TOX: variants seen among roughly 807,000 people sequenced by gnomAD.
The protein encoded by TOX is thymocyte selection associated high mobility group box.
TOX carries 11 observed loss-of-function variants against 53.7 expected under a neutral mutation model. That is an observed-to-expected ratio of 0.20 (90% CI 0.13 to 0.34). The LOEUF is 0.34. Among genes scored for constraint, TOX ranks in the 10% least tolerant of loss-of-function variants. The pLI is 1.00. For missense variants in TOX, 570 were observed against 664.6 expected (o/e 0.86, Z 1.56); for synonymous variants, 225 against 245.3 (o/e 0.92, Z 0.77).
intron 1 of TOX, among the ~76,000 whole-genome samples, chr8:58,988,920 A>C (rs1177069834): frequency 6.6e-6 from 1 of 152,208 alleles, no homozygotes; most frequent in African/African-American, 2.4e-5. Context: ...GACAACAAGG[A>C]AGTCATTTAT....
At chr8:58,930,285 T>C (rs1366591080) in intron 3 of TOX, among the ~76,000 whole-genome samples, 2 of 152,186 alleles carry the variant, frequency 1.3e-5, no homozygotes, top group African/African-American at 2.4e-5. Flanking sequence ...AACAAATAGA[T>C]TCATTCAATC....
intron 6 of TOX, among the ~76,000 whole-genome samples, chr8:58,816,915 A>G (rs1810189558): frequency 6.6e-6 from 1 of 152,174 alleles, no homozygotes; most frequent in Non-Finnish European, 1.5e-5. Flanking sequence ...GGCAGCTTAC[A>G]TTACGGTTAG....
intron 4 of TOX, among the ~76,000 whole-genome samples, chr8:58,849,686 G>C (rs1810777027): frequency 6.6e-6 from 1 of 152,188 alleles, no homozygotes; most frequent in Non-Finnish European, 1.5e-5. Flanking sequence ...GTCAGAGGAT[G>C]CTACTAATTT....
intron 1 of TOX, among the ~76,000 whole-genome samples, chr8:59,104,968 C>G (rs1044111479): frequency 1.3e-5 from 2 of 152,172 alleles, no homozygotes; most frequent in Admixed American, 6.5e-5. Context: ...GGAGGGTTCA[C>G]GACTTATTCA....
chr8:58,878,333 T>C (rs963763281), intron 3 of TOX, among the ~76,000 whole-genome samples: 1 of 152,220 alleles, frequency 6.6e-6, no homozygotes, highest in Non-Finnish European at 1.5e-5. Context: ...TATGCTTCTA[T>C]AGCATACTTT....
At chr8:58,949,845 TTA>T (rs1442714074) in intron 2 of TOX, among the ~76,000 whole-genome samples, 2 of 150,692 alleles carry the variant, frequency 1.3e-5, no homozygotes, top group African/African-American at 2.4e-5. Flanking sequence ...ATATATATTT[TTA>T]TATGTGTATA....
chr8:58,809,093 A>G lies in TOX; in HGVS notation c.1393-824T>C, dbSNP rs73684665. Among the ~76,000 whole-genome samples, 1,458 of 152,318 alleles carry G rather than the reference A, an allele frequency of 9.6e-3. 24 individuals are homozygous for G. The highest frequency in any genetic ancestry group is 0.033 in the African/African-American group (1,369 of 41,558). On this transcript the variant is annotated intron_variant, in intron 7 of 8. Coordinates refer to ENST00000361421, the MANE Select transcript of TOX (RefSeq NM_014729.3). The stretch of plus-strand genomic sequence containing the variant: ...ATATCTGGTAAACAAAAAGCATTCT[A>G]TACTAAGATTTATTTTTAGCTTCTC...
At chr8:59,101,921 C>G (rs975704100) in intron 1 of TOX, among the ~76,000 whole-genome samples, 4 of 152,246 alleles carry the variant, frequency 2.6e-5, no homozygotes, top group African/African-American at 9.6e-5. Flanking sequence ...CTGGGTGTCC[C>G]CTAACAATAA....
In TOX at chr8:58,807,401, C is replaced by A; in HGVS notation, c.*346G>T. The A allele has an allele frequency of 4.2e-6, 1 of 236,036 alleles. No homozygotes were observed. The highest frequency in any genetic ancestry group is 8.4e-6 in the Non-Finnish European group (1 of 118,842). The allele number at this position is 236,036 out of a possible 1,614,324, so 14.6% of individuals were successfully genotyped here. ...GTCTTTAGTAGTTTCATATAAACAC[C>A]CATTATGAAAACCAATGGAAAATCC... On this transcript the variant is annotated 3_prime_UTR_variant, in exon 9 of 9. Coordinates refer to ENST00000361421, the MANE Select transcript of TOX (RefSeq NM_014729.3).
chr8:58,994,391 A>AGTGTGTGTGT lies in TOX; in HGVS notation c.103-34393_103-34384dup, dbSNP rs34690974. Among the ~76,000 whole-genome samples the AGTGTGTGTGT allele has an allele frequency of 5.3e-3, 785 of 147,062 alleles. 4 individuals are homozygous for AGTGTGTGTGT. The highest frequency in any genetic ancestry group is 0.016 in the African/African-American group (646 of 39,850). Reference sequence around the variant, plus strand: ...TTAGTTTATAGCTTTCAAAATGCCAAGTGTGTGTGTGTGTGTGTGTGTGTG... The same window carrying AGTGTGTGTGT: ...TTAGTTTATAGCTTTCAAAATGCCAAGTGTGTGTGTGTGTGTGTGTGTGTGTGTGTGTGTG... On this transcript the variant is annotated intron_variant, in intron 1 of 8. Transcript: ENST00000361421.
At chr8:58,823,172 T>G (rs527897473) in intron 6 of TOX, among the ~76,000 whole-genome samples, 1 of 152,344 alleles carries the variant, frequency 6.6e-6, no homozygotes, top group African/African-American at 2.4e-5. Context: ...TATTCTAGCT[T>G]GGAGTCATGT....
chr8:58,868,008 T>C (rs749413044), intron 3 of TOX, among the ~76,000 whole-genome samples: 8 of 152,164 alleles, frequency 5.3e-5, no homozygotes, highest in Non-Finnish European at 1.2e-4. Flanking sequence ...TGTTGAATTG[T>C]AGCTCCCATA....
rs529268135 is a variant in TOX at position 59,017,338 on chromosome 8, T to G, written c.103-57330A>C. Among the ~76,000 whole-genome samples the G allele has an allele frequency of 2.6e-5, 4 of 152,354 alleles. No individual in the cohort carries two copies. In the East Asian group the frequency reaches 7.7e-4, roughly 29 times the overall value. ...ATTTCTTTTTCTTTATTTTTTTAAA[T>G]GGCATTGTGCATCAGAGAGTATTTT... is the stretch of plus-strand genomic sequence containing the variant. On this transcript the variant is annotated intron_variant, in intron 1 of 8. Coordinates refer to ENST00000361421, the MANE Select transcript of TOX (RefSeq NM_014729.3).
intron 1 of TOX, among the ~76,000 whole-genome samples, chr8:59,024,234 T>C (rs979623414): frequency 2.6e-5 from 4 of 152,170 alleles, no homozygotes; most frequent in Non-Finnish European, 1.5e-5. Context: ...AGAGATAAAC[T>C]GTCTGGATAG....
At chr8:58,941,175 G>C (rs1296659045) in intron 2 of TOX, among the ~76,000 whole-genome samples, 1 of 152,094 alleles carries the variant, frequency 6.6e-6, no homozygotes, top group African/African-American at 2.4e-5. Flanking sequence ...ATTCTCACTC[G>C]TCTGATATAC....
At chr8:58,908,952 T>G (rs1164522419) in intron 3 of TOX, among the ~76,000 whole-genome samples, 1 of 152,242 alleles carries the variant, frequency 6.6e-6, no homozygotes, top group Non-Finnish European at 1.5e-5. Flanking sequence ...TTTAATCATT[T>G]TGTTTTCTAG....
intron 3 of TOX, among the ~76,000 whole-genome samples, chr8:58,924,583 G>A (rs1339180099): frequency 2.6e-5 from 4 of 152,192 alleles, no homozygotes; most frequent in Non-Finnish European, 4.4e-5. Context: ...TCCTTCCCCT[G>A]TGGAGGGCAG....
intron 4 of TOX, among the ~76,000 whole-genome samples, chr8:58,847,197 C>T (rs940605153): frequency 6.6e-6 from 1 of 151,926 alleles, no homozygotes; most frequent in South Asian, 2.1e-4. Flanking sequence ...GTACAAAAAG[C>T]AAAATGAAAC....
chr8:58,825,880 G>A (rs996486478), intron 6 of TOX, among the ~76,000 whole-genome samples: 2 of 152,120 alleles, frequency 1.3e-5, no homozygotes, highest in African/African-American at 4.8e-5. Flanking sequence ...ATACAAAAAA[G>A]CTAGAAATTT....
Sources: gnomAD v4.1 joint callset for allele counts (sites outside exome capture counted in the v4.1 genomes callset) on GRCh38, gnomAD v4.1.1 for gene constraint, MANE v1.5 for transcripts, NCBI Gene and HGNC (gene_info 2026-07-23, HGNC 2026-07-21) for gene names.